STYX: variants seen among roughly 807,000 people sequenced by gnomAD.
The protein encoded by STYX is serine/threonine/tyrosine-interacting protein.
Under a neutral mutation model 42.7 loss-of-function variants are expected in STYX, and 20 were observed. That is an observed-to-expected ratio of 0.47 (90% CI 0.33 to 0.68). The LOEUF (loss-of-function observed/expected upper bound fraction) is 0.68, where lower values mean the gene tolerates loss of function less well. Among genes scored for constraint, STYX ranks in the 30% least tolerant of loss-of-function variants. The pLI, the probability that STYX is intolerant of heterozygous loss-of-function variation, is 0.02. For synonymous variants in STYX, 78 were observed against 81.9 expected (o/e 0.95, Z 0.26); for missense variants, 226 against 268.5 (o/e 0.84, Z 1.11).
intron 4 of STYX, among the ~76,000 whole-genome samples, chr14:52,752,537 A>G (rs1230534183): frequency 6.6e-6 from 1 of 152,224 alleles, no homozygotes; most frequent in East Asian, 1.9e-4. Flanking sequence ...CTGTAAATAC[A>G]AGATACATAC....
intron 9 of STYX, among the ~76,000 whole-genome samples, chr14:52,762,882 C>CTTTTTTTTTTTTTTTTT: frequency 3.7e-5 from 1 of 26,840 alleles, no homozygotes; most frequent in Admixed American, 5.8e-4. Flanking sequence ...TTCTTTCTTT[C>CTTTTTTTTTTTTTTTTT]TTTTTTTTTT....
Position 52,747,017 on chromosome 14 carries a change from G to A in STYX, c.144+538G>A, listed in dbSNP as rs545673301. 5.9e-5 allele frequency among the ~76,000 whole-genome samples: 9 copies of A among 152,180 alleles called. No individual in the cohort carries two copies. The South Asian group carries it at 1.9e-3, about 32-fold the overall frequency. On this transcript the variant is annotated intron_variant, in intron 3 of 10. Transcript: ENST00000354586. ...AAGGAAATCCTCACTGGAGTATTTC[G>A]GATTTCGGATTTTTGGATTAGGGAT... is the stretch of plus-strand genomic sequence containing the variant.
intron 1 of STYX, among the ~76,000 whole-genome samples, chr14:52,732,336 G>C (rs1263522072): frequency 1.4e-5 from 2 of 147,418 alleles, no homozygotes; most frequent in African/African-American, 2.5e-5. Context: ...GCAGTGGTGC[G>C]ATCTGGGCTC....
chr14:52,734,121 C>A (rs938625766), intron 1 of STYX, among the ~76,000 whole-genome samples: 1 of 152,176 alleles, frequency 6.6e-6, no homozygotes, highest in African/African-American at 2.4e-5. Flanking sequence ...AGATTCCACC[C>A]GCAGTCAGTC....
At chr14:52,737,979 T>C (rs1881024413) in intron 1 of STYX, among the ~76,000 whole-genome samples, 3 of 152,188 alleles carry the variant, frequency 2.0e-5, no homozygotes, top group Admixed American at 1.3e-4. Flanking sequence ...GTGTCAACCA[T>C]GTTAGCCAGG....
intron 8 of STYX, 131 bp from the exon 9 acceptor site, chr14:52,759,551 G>T (rs1246774284): frequency 1.8e-5 from 12 of 677,706 alleles, no homozygotes. Flanking sequence ...GGTGAGAAAA[G>T]GAATTGTGAT....
intron 3 of STYX, among the ~76,000 whole-genome samples, chr14:52,750,273 A>G (rs138250067): frequency 6.6e-6 from 1 of 152,292 alleles, no homozygotes; most frequent in Non-Finnish European, 1.5e-5. Context: ...GCTGTTAACT[A>G]GGTCGGTGAT....
chr14:52,741,049 T>A (rs1220093539), intron 1 of STYX, among the ~76,000 whole-genome samples: 1 of 152,162 alleles, frequency 6.6e-6, no homozygotes, highest in African/African-American at 2.4e-5. Context: ...TCAATGAAAT[T>A]CATCCATGTT....
chr14:52,741,631 G>A (rs1881198381), intron 1 of STYX, among the ~76,000 whole-genome samples: 1 of 152,024 alleles, frequency 6.6e-6, no homozygotes, highest in Admixed American at 6.6e-5. Flanking sequence ...TAGAGACAGG[G>A]TTTCACCATG....
chr14:52,735,695 A>G (rs748850774), intron 1 of STYX, among the ~76,000 whole-genome samples: 5 of 152,246 alleles, frequency 3.3e-5, no homozygotes, highest in Non-Finnish European at 4.4e-5. Context: ...CACTACCTGG[A>G]AATCCAAATT....
At chr14:52,768,233 G>A (rs1225783228) in intron 9 of STYX, among the ~76,000 whole-genome samples, 1 of 152,088 alleles carries the variant, frequency 6.6e-6, no homozygotes, top group Non-Finnish European at 1.5e-5. Flanking sequence ...TGCATAAAAT[G>A]TAAATAAACA....
intron 1 of STYX, among the ~76,000 whole-genome samples, chr14:52,744,496 T>C (rs1254974): frequency 0.51 from 77,709 of 151,984 alleles, 19,974 homozygotes; most frequent in Middle Eastern, 0.57. Context: ...GTCAGTTGAT[T>C]AGAGTTGGCA....
intron 1 of STYX, among the ~76,000 whole-genome samples, chr14:52,739,609 A>G (rs964869819): frequency 2.2e-5 from 3 of 139,386 alleles, no homozygotes; most frequent in African/African-American, 8.0e-5. Context: ...GTCTTTAAAA[A>G]CTGTTTTCTT....
intron 8 of STYX, among the ~76,000 whole-genome samples, chr14:52,758,460 A>C (rs1309041958): frequency 6.6e-6 from 1 of 152,220 alleles, no homozygotes; most frequent in Non-Finnish European, 1.5e-5. Context: ...CAAATTAGAA[A>C]TCTTATAGTA....
At chr14:52,761,566 GTT>G (rs539782412) in intron 9 of STYX, among the ~76,000 whole-genome samples, 5 of 100,844 alleles carry the variant, frequency 5.0e-5, no homozygotes, top group African/African-American at 3.8e-5. Context: ...GTAGCCAAAA[GTT>G]TTTTTTTTTT....
chr14:52,757,830 G>A (rs1212106044), intron 7 of STYX, 44 bp from the exon 8 acceptor site: 6 of 1,612,134 alleles, frequency 3.7e-6, no homozygotes, highest in Non-Finnish European at 5.1e-6. Flanking sequence ...TAATTAATGG[G>A]CTGTATTTTC....
intron 9 of STYX, among the ~76,000 whole-genome samples, chr14:52,767,203 G>GT (rs756888887): frequency 2.0e-4 from 30 of 152,196 alleles, no homozygotes; most frequent in Non-Finnish European, 3.7e-4. Flanking sequence ...AGGAATAAGT[G>GT]TAAGTGGTTT....
intron 9 of STYX, among the ~76,000 whole-genome samples, chr14:52,761,569 T>G (rs976650341): frequency 7.0e-6 from 1 of 143,450 alleles, no homozygotes; most frequent in African/African-American, 2.6e-5. Context: ...GCCAAAAGTT[T>G]TTTTTTTTTT....
chr14:52,758,220 G>A (rs1258499361), intron 8 of STYX, among the ~76,000 whole-genome samples: 1 of 152,144 alleles, frequency 6.6e-6, no homozygotes, highest in Non-Finnish European at 1.5e-5. Context: ...TATTTAAAGG[G>A]CTAATTTATC....
Sources: gnomAD v4.1 joint callset for allele counts (sites outside exome capture counted in the v4.1 genomes callset) on GRCh38, gnomAD v4.1.1 for gene constraint, MANE v1.5 for transcripts, NCBI Gene and HGNC (gene_info 2026-07-23, HGNC 2026-07-21) for gene names.